TRMT10C: variants seen among roughly 807,000 people sequenced by gnomAD.
TRMT10C encodes tRNA methyltransferase 10C, mitochondrial RNase P subunit, also known as tRNA methyltransferase 10 homolog C.
A neutral mutation model predicts 27.4 loss-of-function variants in TRMT10C; 14 were observed. The observed-to-expected ratio is 0.51, with a 90% CI of 0.34 to 0.80. The LOEUF is 0.80. Among genes scored for constraint, TRMT10C ranks in the 30% least tolerant of loss-of-function variants. TRMT10C has a pLI of 0.02. For synonymous variants in TRMT10C, 143 were observed against 155.9 expected (o/e 0.92, Z 0.62); for missense variants, 438 against 464.8 (o/e 0.94, Z 0.53).
At chr3:101,564,058 A>G (rs6804893) in intron 1 of TRMT10C, among the ~76,000 whole-genome samples, 151,714 of 152,022 alleles carry the variant, frequency 1, 75,704 homozygotes, top group Middle Eastern at 1. Flanking sequence ...GAAGGATCTT[A>G]TGTTTGGTTC....
At chr3:101,563,620 G>A (rs990615756) in intron 1 of TRMT10C, among the ~76,000 whole-genome samples, 5 of 152,308 alleles carry the variant, frequency 3.3e-5, no homozygotes, top group South Asian at 2.1e-4. Flanking sequence ...AGGTCAGAGA[G>A]CAGGAAACCT....
In TRMT10C at chr3:101,566,438, T is replaced by C. The variant is rs1934517028; in HGVS notation, c.*445T>C. ...TTTTACAGTAAACTGGTAAATGTGT[T>C]TCCTTCAATTCTATGAGCCATTCAA... On this transcript the variant is annotated 3_prime_UTR_variant, in exon 2 of 2. Coordinates refer to ENST00000309922, the MANE Select transcript of TRMT10C (RefSeq NM_017819.4). 6.5e-6 allele frequency: 1 copy of C among 153,100 alleles called. No individual in the cohort carries two copies. Among genetic ancestry groups the C allele is most frequent in the Non-Finnish European group, 1.5e-5 (1 of 68,682 alleles). 9.5% of individuals were successfully genotyped at this position (153,100 alleles called of 1,614,324 possible).
At chr3:101,562,882 G>A (rs1934445489) in intron 1 of TRMT10C, among the ~76,000 whole-genome samples, 2 of 152,112 alleles carry the variant, frequency 1.3e-5, no homozygotes, top group South Asian at 4.1e-4. Flanking sequence ...TGCAGTGTTA[G>A]AAGTACTGTC....
chr3:101,563,388 C>A (rs77725630), intron 1 of TRMT10C, among the ~76,000 whole-genome samples: 1 of 152,140 alleles, frequency 6.6e-6, no homozygotes, highest in African/African-American at 2.4e-5. Flanking sequence ...AAACTCCTGA[C>A]CTCAAGCGAT....
intron 1 of TRMT10C, 64 bp downstream of exon 1, chr3:101,562,067 C>G (rs1037719963): frequency 1.3e-5 from 2 of 152,122 alleles, no homozygotes; most frequent in Non-Finnish European, 2.9e-5. Context: ...GGAGACGTTC[C>G]AAGATGCACT....
chr3:101,565,910 C>G lies in TRMT10C; in HGVS notation c.1129C>G (p.Pro377Ala). 2 of 1,614,104 alleles carry G rather than the reference C, an allele frequency of 1.2e-6. No individual in the cohort carries two copies. Among genetic ancestry groups the G allele is most frequent in the Non-Finnish European group, 1.7e-6 (2 of 1,180,002 alleles). Residue 377 changes from proline (P) to alanine (A), a missense_variant, in exon 2 of 2, where the codon CCC becomes GCC. Pro to Ala is a conservative substitution (Grantham distance 27). Coordinates refer to ENST00000309922, the MANE Select transcript of TRMT10C (RefSeq NM_017819.4). ...GNWQEALQFVPKRKHTGFLEI... is the reference protein window; with the variant it reads ...GNWQEALQFVAKRKHTGFLEI... ...TTGGCAAGAGGCTCTGCAATTCGTT[C>G]CCAAGAGAAAACATACTGGTTTTCT...
At position 101,565,831 on chromosome 3, in the gene TRMT10C, T is replaced by C; in HGVS notation, c.1050T>C (p.Asn350=). 1 of 1,614,066 alleles carries C rather than the reference T, an allele frequency of 6.2e-7. No individual in the cohort carries two copies. The highest frequency in any genetic ancestry group is 2.2e-5 in the East Asian group (1 of 44,880). ...KYLQWEIGNK[N]LTLDQMIRIL... is the part of the protein sequence containing the mutation. ...TACAATGGGAAATTGGTAACAAAAATCTCACCTTAGATCAAATGATACGTA... is the reference window on the plus strand; with the variant it reads ...TACAATGGGAAATTGGTAACAAAAACCTCACCTTAGATCAAATGATACGTA... Residue 350 remains asparagine, a synonymous_variant, in exon 2 of 2, where the codon AAT becomes AAC. Transcript: ENST00000309922.
Position 101,565,824 on chromosome 3 carries a change from A to G in TRMT10C, c.1043A>G (p.Asn348Ser). ...AAATATTTACAATGGGAAATTGGTA[A>G]CAAAAATCTCACCTTAGATCAAATG... is the stretch of plus-strand genomic sequence containing the variant. ...LDKYLQWEIG[N>S]KNLTLDQMIR... Residue 348 changes from asparagine to serine, a missense_variant, in exon 2 of 2, where the codon AAC becomes AGC. Coordinates refer to ENST00000309922, the MANE Select transcript of TRMT10C (RefSeq NM_017819.4). The G allele has an allele frequency of 6.2e-7, 1 of 1,614,120 alleles. No individual in the cohort carries two copies. Among genetic ancestry groups the G allele is most frequent in the Non-Finnish European group, 8.5e-7 (1 of 1,179,982 alleles).
intron 1 of TRMT10C, among the ~76,000 whole-genome samples, chr3:101,563,719 C>T (rs1698848123): frequency 6.6e-6 from 1 of 152,078 alleles, no homozygotes; most frequent in Non-Finnish European, 1.5e-5. Context: ...TTTGAATTCC[C>T]TTTATTTCTT....
At chr3:101,562,645 C>T (rs574665325) in intron 1 of TRMT10C, among the ~76,000 whole-genome samples, 2 of 150,384 alleles carry the variant, frequency 1.3e-5, no homozygotes, top group Admixed American at 6.6e-5. Flanking sequence ...GAGACTCCGT[C>T]TCAAAAAAAA....
At position 101,565,821 on chromosome 3, in the gene TRMT10C, G is replaced by T. The variant is rs1463755571; in HGVS notation, c.1040G>T (p.Gly347Val). The T allele has an allele frequency of 2.5e-6, 4 of 1,613,848 alleles. No homozygotes were observed. The highest frequency in any genetic ancestry group is 3.4e-6 in the Non-Finnish European group (4 of 1,179,942). ...GATAAATATTTACAATGGGAAATTG[G>T]TAACAAAAATCTCACCTTAGATCAA... ...PLDKYLQWEI[G>V]NKNLTLDQMI... Residue 347 changes from glycine to valine, a missense_variant, in exon 2 of 2, where the codon GGT becomes GTT. Physicochemically the swap from Gly to Val is moderately radical, Grantham distance 109. This residue lies in a region of TRMT10C where 84 missense variants were observed against 76.5 expected (regional missense o/e 1.10). Coordinates refer to ENST00000309922, the MANE Select transcript of TRMT10C (RefSeq NM_017819.4).
At position 101,564,187 on chromosome 3, in the gene TRMT10C, A is replaced by G. The variant is rs147474903; in HGVS notation, c.-12-583A>G. The stretch of plus-strand genomic sequence containing the variant: ...TCTCTGGGCCCCTAGATAAAAATCT[A>G]AAAAGGATCTTCAACTTATCCTTTT... On this transcript the variant is annotated intron_variant, in intron 1 of 1. Coordinates refer to ENST00000309922, the MANE Select transcript of TRMT10C (RefSeq NM_017819.4). 1.1e-4 allele frequency among the ~76,000 whole-genome samples: 16 copies of G among 152,140 alleles called. No individual in the cohort carries two copies. The East Asian group carries it at 2.7e-3, about 26-fold the overall frequency.
intron 1 of TRMT10C, 26 bp from the exon 2 acceptor site, chr3:101,564,744 T>G: frequency 6.7e-7 from 1 of 1,492,326 alleles, no homozygotes. Flanking sequence ...TGTCTAATTT[T>G]TAATTGCATT....
intron 1 of TRMT10C, among the ~76,000 whole-genome samples, chr3:101,563,304 T>C (rs944832249): frequency 1.3e-5 from 2 of 151,578 alleles, no homozygotes; most frequent in Non-Finnish European, 2.9e-5. Flanking sequence ...ATTACAGGCA[T>C]GCGCCACCAC....
rs875989831 is a variant in TRMT10C at position 101,565,595 on chromosome 3, A to G, written c.814A>G (p.Thr272Ala). Residue 272 changes from threonine (T) to alanine (A), a missense_variant, in exon 2 of 2, where the codon ACA (threonine) becomes GCA (alanine). This residue lies in a region of TRMT10C where 350 missense variants were observed against 370.5 expected (regional missense o/e 0.94). Coordinates refer to ENST00000309922, the MANE Select transcript of TRMT10C (RefSeq NM_017819.4). ...AGAAAAATGGGACAAATTGCTTTTA[A>G]CATCAACAGAAAAGTCTCATGTAGA... is the stretch of plus-strand genomic sequence containing the variant. ...YQEKWDKLLL[T>A]STEKSHVDLF... 2 of 1,614,202 alleles carry G rather than the reference A, an allele frequency of 1.2e-6. No homozygotes were observed. Among genetic ancestry groups the G allele is most frequent in the Non-Finnish European group, 1.7e-6 (2 of 1,180,006 alleles).
chr3:101,562,573 C>A (rs79409156), intron 1 of TRMT10C, among the ~76,000 whole-genome samples: 4 of 152,016 alleles, frequency 2.6e-5, no homozygotes, highest in African/African-American at 9.7e-5. Flanking sequence ...ATGGCGTGAA[C>A]CCTGGGAGGC....
In TRMT10C at chr3:101,564,803, A is replaced by G; in HGVS notation, c.22A>G (p.Ser8Gly). The G allele has an allele frequency of 1.3e-6, 2 of 1,574,610 alleles. No individual in the cohort carries two copies. The highest frequency in any genetic ancestry group is 1.7e-6 in the Non-Finnish European group (2 of 1,158,474). The change falls in exon 2 of 2, where the codon AGT (serine) becomes GGT (glycine). Residue 8 changes from serine (S) to glycine (G), a missense_variant. Physicochemically the swap from Ser to Gly is moderately conservative, Grantham distance 56. This residue lies in a region of TRMT10C where 350 missense variants were observed against 370.5 expected (regional missense o/e 0.94). Transcript: ENST00000309922. ...TTACATGGCTGCTTTCCTCAAAATG[A>G]GTGTTAGTGTCAATTTCTTCAGACC... MAAFLKM[S>G]VSVNFFRPFT...
At chr3:101,563,306 C>T (rs765919800) in intron 1 of TRMT10C, among the ~76,000 whole-genome samples, 4 of 151,432 alleles carry the variant, frequency 2.6e-5, no homozygotes, top group African/African-American at 7.3e-5. Flanking sequence ...TACAGGCATG[C>T]GCCACCACAC....
intron 1 of TRMT10C, among the ~76,000 whole-genome samples, chr3:101,563,586 A>G (rs1385472391): frequency 6.6e-6 from 1 of 152,178 alleles, no homozygotes; most frequent in African/African-American, 2.4e-5. Context: ...CCTTTAAGGG[A>G]GGGGCATCTG....
Sources: allele counts gnomAD v4.1 joint callset (sites outside exome capture counted in the v4.1 genomes callset), GRCh38; gene constraint gnomAD v4.1.1; regional missense constraint gnomAD v4.1.1; transcripts MANE v1.5; gene names NCBI Gene and HGNC (gene_info 2026-07-23, HGNC 2026-07-21).